The following SEMA6D variants were observed in gnomAD, a reference collection of about 807,000 sequenced individuals.
SEMA6D encodes the protein semaphorin 6D, also known as semaphorin-6D.
In SEMA6D, 35 loss-of-function variants were observed where a neutral mutation model predicts 106.6. That is an observed-to-expected ratio of 0.33 (90% CI 0.25 to 0.44). The LOEUF is 0.44. Ranked by LOEUF, SEMA6D falls within the 20% of genes least tolerant of loss-of-function variation. The pLI, the probability that SEMA6D is intolerant of heterozygous loss-of-function variation, is 1.00. For synonymous variants in SEMA6D, 499 were observed against 487.7 expected, an observed-to-expected ratio of 1.02 and a Z score of -0.31; for missense variants, 1,185 against 1,345.9, an observed-to-expected ratio of 0.88 and a Z score of 1.87.
chr15:47,592,467 G>GT (rs2076456610), intron 3 of SEMA6D, among the ~76,000 whole-genome samples: 1 of 152,190 alleles, frequency 6.6e-6, no homozygotes, highest in Non-Finnish European at 1.5e-5. Context: ...GATTGGCTGG[G>GT]TGTGGGTGAG....
At chr15:47,440,803 A>C (rs2041859187) in intron 2 of SEMA6D, among the ~76,000 whole-genome samples, 1 of 152,118 alleles carries the variant, frequency 6.6e-6, no homozygotes, top group Admixed American at 6.6e-5. Context: ...GGCAATTTAG[A>C]ATATATGCAT....
chr15:47,282,019 T>C (rs527438565), intron 1 of SEMA6D, among the ~76,000 whole-genome samples: 2 of 152,272 alleles, frequency 1.3e-5, no homozygotes, highest in African/African-American at 4.8e-5. Context: ...TACAATACTA[T>C]ACTGCCTGGC....
intron 1 of SEMA6D, among the ~76,000 whole-genome samples, chr15:47,384,429 T>C (rs2039747206): frequency 6.6e-6 from 1 of 152,224 alleles, no homozygotes; most frequent in Non-Finnish European, 1.5e-5. Context: ...AAGTTCCTGT[T>C]TGCCTTTGAA....
intron 4 of SEMA6D, among the ~76,000 whole-genome samples, chr15:47,619,256 G>A (rs1469974385): frequency 6.6e-6 from 1 of 152,214 alleles, no homozygotes; most frequent in Non-Finnish European, 1.5e-5. Context: ...TCACTTGTGT[G>A]TGTGTTGGTT....
intron 4 of SEMA6D, among the ~76,000 whole-genome samples, chr15:47,670,846 G>A (rs2078122886): frequency 6.6e-6 from 1 of 152,042 alleles, no homozygotes; most frequent in Non-Finnish European, 1.5e-5. Context: ...CAATCTTTTT[G>A]TTGCAAGAAA....
chr15:47,686,117 G>T (rs2078462815), intron 4 of SEMA6D, among the ~76,000 whole-genome samples: 1 of 152,134 alleles, frequency 6.6e-6, no homozygotes, highest in Non-Finnish European at 1.5e-5. Flanking sequence ...GCATTCCTGT[G>T]CAGTGGCAAC....
intron 1 of SEMA6D, among the ~76,000 whole-genome samples, chr15:47,341,309 G>A (rs2037802995): frequency 6.6e-6 from 1 of 152,256 alleles, no homozygotes; most frequent in Admixed American, 6.5e-5. Context: ...AGAATTGCTT[G>A]AACCCGGGAG....
chr15:47,347,151 G>A (rs180723607), intron 1 of SEMA6D, among the ~76,000 whole-genome samples: 124 of 152,096 alleles, frequency 8.2e-4, no homozygotes, highest in East Asian at 6.2e-3. Context: ...CAGGAGATCC[G>A]CCCGCCTCAG....
chr15:47,573,338 C>T (rs1039658101), intron 3 of SEMA6D, among the ~76,000 whole-genome samples: 1 of 152,002 alleles, frequency 6.6e-6, no homozygotes, highest in Admixed American at 6.6e-5. Flanking sequence ...CAAAATTAAA[C>T]CTTATAAAAC....
At chr15:47,272,681 G>C (rs1366211976) in intron 1 of SEMA6D, 2 of 152,708 alleles carry the variant, frequency 1.3e-5, no homozygotes, top group East Asian at 1.9e-4. Context: ...CTAGGCGGCT[G>C]TTCCCTTCTT....
intron 3 of SEMA6D, among the ~76,000 whole-genome samples, chr15:47,533,223 G>A (rs1294174402): frequency 4.6e-5 from 7 of 152,242 alleles, no homozygotes; most frequent in Admixed American, 2.0e-4. Context: ...GATTACTTGG[G>A]TGAAAATTTT....
rs533196552 is a variant in SEMA6D at position 47,420,562 on chromosome 15, G to T, written c.-159+8090G>T. Among the ~76,000 whole-genome samples, 14 of 152,164 alleles carry T rather than the reference G, an allele frequency of 9.2e-5. No homozygotes were observed. In the South Asian group the frequency reaches 2.9e-3, roughly 32 times the overall value. On this transcript the variant is annotated intron_variant, in intron 2 of 19. Transcript: ENST00000558014. ...CATTCTGAGCTGTGTGAAGGTATGTGCATTGCAAGTCCTAGTGGCCCTCTC... is the reference window on the plus strand; with the variant it reads ...CATTCTGAGCTGTGTGAAGGTATGTTCATTGCAAGTCCTAGTGGCCCTCTC...
intron 8 of SEMA6D, among the ~76,000 whole-genome samples, chr15:47,762,616 C>G (rs1731176956): frequency 6.6e-6 from 1 of 152,136 alleles, no homozygotes; most frequent in Admixed American, 6.5e-5. Flanking sequence ...ATACTACTTG[C>G]CATCTACCCA....
intron 1 of SEMA6D, among the ~76,000 whole-genome samples, chr15:47,258,095 C>G (rs918839967): frequency 5.3e-5 from 8 of 152,042 alleles, no homozygotes; most frequent in African/African-American, 1.9e-4. Context: ...CTTTTGCCAT[C>G]TTTTTATTTT....
chr15:47,294,971 T>C (rs186998702), intron 1 of SEMA6D, among the ~76,000 whole-genome samples: 2 of 152,336 alleles, frequency 1.3e-5, no homozygotes, highest in Non-Finnish European at 2.9e-5. Flanking sequence ...TTGTCCTAGC[T>C]GCCTCTGAAA....
chr15:47,721,434 T>G (rs775734954), intron 1 of SEMA6D, among the ~76,000 whole-genome samples: 2 of 152,338 alleles, frequency 1.3e-5, no homozygotes, highest in African/African-American at 4.8e-5. Flanking sequence ...AGCTAGTGTC[T>G]TGGGTTGCCG....
chr15:47,644,113 A>T, intron 4 of SEMA6D, among the ~76,000 whole-genome samples: 1 of 152,090 alleles, frequency 6.6e-6, no homozygotes, highest in East Asian at 1.9e-4. Flanking sequence ...TTTCTGTCTT[A>T]TTTGCTGTGA....
chr15:47,422,573 A>C (rs1209353662), intron 2 of SEMA6D, among the ~76,000 whole-genome samples: 1 of 152,080 alleles, frequency 6.6e-6, no homozygotes, highest in Non-Finnish European at 1.5e-5. Flanking sequence ...AAGAAACTTC[A>C]ATGAGGACAT....
chr15:47,199,036 T>C lies in SEMA6D; in HGVS notation c.-239+14618T>C, dbSNP rs115114673. On this transcript the variant is annotated intron_variant, in intron 1 of 19. Transcript: ENST00000558014. ...ACTTTACACTTTTCCCCTATTGGTTTTGCCTTTGTGCCTCAGCATCAGCAG... is the reference window on the plus strand; with the variant it reads ...ACTTTACACTTTTCCCCTATTGGTTCTGCCTTTGTGCCTCAGCATCAGCAG... Among the ~76,000 whole-genome samples, 1,048 of 152,312 alleles carry C rather than the reference T, an allele frequency of 6.9e-3. 12 individuals carry two copies. Among genetic ancestry groups the C allele is most frequent in the African/African-American group, 0.024 (997 of 41,568 alleles).
Sources: gnomAD v4.1 joint callset for allele counts (sites outside exome capture counted in the v4.1 genomes callset) on GRCh38, gnomAD v4.1.1 for gene constraint, MANE v1.5 for transcripts, NCBI Gene and HGNC (gene_info 2026-07-23, HGNC 2026-07-21) for gene names.